GLG1: variants seen among roughly 807,000 people sequenced by gnomAD.
GLG1 encodes the protein Golgi apparatus protein 1.
In GLG1, 38 loss-of-function variants were observed where a neutral mutation model predicts 160.5. The ratio of observed to expected loss-of-function variants is 0.24; its 90% CI spans 0.18 to 0.31. The LOEUF (loss-of-function observed/expected upper bound fraction) is 0.31. Among genes scored for constraint, GLG1 ranks in the 10% least tolerant of loss-of-function variants. The probability of loss-of-function intolerance (pLI) is 1.00; values close to 1 mark genes in which losing one functional copy is unlikely to be tolerated. For synonymous variants in GLG1, 644 were observed against 543.4 expected (o/e 1.19, Z -2.57); for missense variants, 1,373 against 1,505.2 (o/e 0.91, Z 1.45).
At position 74,500,955 on chromosome 16, in the gene GLG1, T is replaced by A. The variant is rs547161142; in HGVS notation, c.774+2576A>T. 4.1e-4 allele frequency among the ~76,000 whole-genome samples: 63 copies of A among 152,328 alleles called. No individual in the cohort carries two copies. In the South Asian group the frequency reaches 0.013, roughly 31 times the overall value. On this transcript the variant is annotated intron_variant, in intron 4 of 25. Transcript: ENST00000422840. ...TGAAATCATGACATTTATGTGTTCA[T>A]ACAAAGGCAAGGTACAAACAGATTA... is the stretch of plus-strand genomic sequence containing the variant.
chr16:74,582,469 G>A (rs1458688409), intron 1 of GLG1, among the ~76,000 whole-genome samples: 2 of 152,106 alleles, frequency 1.3e-5, no homozygotes, highest in South Asian at 2.1e-4. Context: ...TTTGTTAACA[G>A]GAATGTCCTC....
At chr16:74,458,496 C>T (rs773458712) in intron 23 of GLG1, among the ~76,000 whole-genome samples, 2 of 151,876 alleles carry the variant, frequency 1.3e-5, no homozygotes, top group Non-Finnish European at 2.9e-5. Context: ...CACAGCAAGA[C>T]CCCCATCTCT....
intron 1 of GLG1, among the ~76,000 whole-genome samples, chr16:74,577,118 G>C (rs1363740236): frequency 6.6e-6 from 1 of 152,098 alleles, no homozygotes; most frequent in African/African-American, 2.4e-5. Context: ...AGAAACAGGA[G>C]TCTCTCCATG....
intron 1 of GLG1, among the ~76,000 whole-genome samples, chr16:74,535,528 G>A (rs2017664794): frequency 6.6e-6 from 1 of 152,186 alleles, no homozygotes; most frequent in Admixed American, 6.5e-5. Flanking sequence ...CACCTCTTGG[G>A]CTTAACTGAT....
chr16:74,571,200 G>C (rs1168407880), intron 1 of GLG1, among the ~76,000 whole-genome samples: 1 of 152,050 alleles, frequency 6.6e-6, no homozygotes, highest in African/African-American at 2.4e-5. Flanking sequence ...CAAACTACCA[G>C]ACATGTAAGT....
chr16:74,541,582 A>C (rs969854013), intron 1 of GLG1, among the ~76,000 whole-genome samples: 1 of 152,220 alleles, frequency 6.6e-6, no homozygotes, highest in Non-Finnish European at 1.5e-5. Context: ...TCATGGGGCT[A>C]TTATAAGCAT....
At chr16:74,587,595 A>G (rs1438350546) in intron 1 of GLG1, among the ~76,000 whole-genome samples, 1 of 152,182 alleles carries the variant, frequency 6.6e-6, no homozygotes, top group Admixed American at 6.6e-5. Context: ...ACGGCTGGGC[A>G]CGGTGGCTCA....
chr16:74,465,636 G>C (rs1334663000), intron 19 of GLG1, 40 bp downstream of exon 19: 9 of 1,600,932 alleles, frequency 5.6e-6, no homozygotes, highest in Non-Finnish European at 7.7e-6. Context: ...TTGTTGTTTT[G>C]TTGTTCATCC....
chr16:74,478,453 C>CA (rs528909027), intron 11 of GLG1, among the ~76,000 whole-genome samples: 214 of 151,226 alleles, frequency 1.4e-3, no homozygotes, highest in Middle Eastern at 3.4e-3. Flanking sequence ...GTCTCTCTTG[C>CA]AAAAAAAGAA....
At chr16:74,569,597 C>T (rs1479529630) in intron 1 of GLG1, among the ~76,000 whole-genome samples, 1 of 152,150 alleles carries the variant, frequency 6.6e-6, no homozygotes, top group African/African-American at 2.4e-5. Context: ...CACAGTGGCT[C>T]ACACTTGTAA....
chr16:74,569,416 A>G (rs2018756653), intron 1 of GLG1, among the ~76,000 whole-genome samples: 2 of 152,238 alleles, frequency 1.3e-5, no homozygotes, highest in South Asian at 4.1e-4. Flanking sequence ...AGGTATATAT[A>G]CCTGAACTGA....
Position 74,496,887 on chromosome 16 carries a change from G to A in GLG1, c.775-243C>T, listed in dbSNP as rs2016209755. 1.3e-5 allele frequency among the ~76,000 whole-genome samples: 2 copies of A among 152,050 alleles called. 1 individual carries two copies. Among genetic ancestry groups the A allele is most frequent in the South Asian group, 4.1e-4 (2 of 4,824 alleles). The stretch of plus-strand genomic sequence containing the variant: ...AATATAATACTTGCATGCTACAAAT[G>A]GAAACAGAGATCCTGGAAAGTTTAA... On this transcript the variant is annotated intron_variant, in intron 4 of 25. Coordinates refer to ENST00000422840, the MANE Select transcript of GLG1 (RefSeq NM_001145667.2).
chr16:74,585,776 G>C (rs1044659100), intron 1 of GLG1, among the ~76,000 whole-genome samples: 2 of 150,544 alleles, frequency 1.3e-5, no homozygotes, highest in Non-Finnish European at 3.0e-5. Context: ...TCTAAAGTAA[G>C]ATTTGGCCGG....
chr16:74,511,943 T>G (rs28394490), intron 2 of GLG1, among the ~76,000 whole-genome samples: 1 of 152,110 alleles, frequency 6.6e-6, no homozygotes, highest in Non-Finnish European at 1.5e-5. Context: ...TTTGTTCATT[T>G]CAAATTGATA....
chr16:74,567,955 T>C (rs2018707096), intron 1 of GLG1, among the ~76,000 whole-genome samples: 1 of 152,196 alleles, frequency 6.6e-6, no homozygotes, highest in Admixed American at 6.5e-5. Context: ...GTCTGAGTGC[T>C]CCAGGTCGGG....
At chr16:74,525,082 G>C (rs1306700698) in intron 2 of GLG1, among the ~76,000 whole-genome samples, 1 of 152,040 alleles carries the variant, frequency 6.6e-6, no homozygotes, top group East Asian at 1.9e-4. Flanking sequence ...CCATTTTTGA[G>C]CTTTTACTAA....
chr16:74,498,943 C>G (rs1212314281), intron 4 of GLG1, among the ~76,000 whole-genome samples: 1 of 147,372 alleles, frequency 6.8e-6, no homozygotes. Context: ...TTCAAATCAA[C>G]CAAAGAATGT....
At chr16:74,602,214 C>G (rs920841855) in intron 1 of GLG1, among the ~76,000 whole-genome samples, 2 of 152,140 alleles carry the variant, frequency 1.3e-5, no homozygotes, top group Non-Finnish European at 2.9e-5. Context: ...ATTTACAAAG[C>G]ATTCACTCTG....
intron 1 of GLG1, among the ~76,000 whole-genome samples, chr16:74,571,442 G>A (rs1009425322): frequency 1.3e-5 from 2 of 152,136 alleles, no homozygotes; most frequent in East Asian, 1.9e-4. Context: ...GGCAACTGAG[G>A]TGGGAAGATC....
Sources: gnomAD v4.1 joint callset for allele counts (sites outside exome capture counted in the v4.1 genomes callset) on GRCh38, gnomAD v4.1.1 for gene constraint, MANE v1.5 for transcripts, NCBI Gene and HGNC (gene_info 2026-07-23, HGNC 2026-07-21) for gene names.